The following PDHX variants were observed in gnomAD, a reference collection of about 807,000 sequenced individuals.
PDHX encodes the protein pyruvate dehydrogenase protein X component, mitochondrial.
Under a neutral mutation model 55.3 loss-of-function variants are expected in PDHX, and 33 were observed. The observed-to-expected ratio is 0.60, with a 90% CI of 0.45 to 0.80. The LOEUF (loss-of-function observed/expected upper bound fraction) is 0.80, where lower values mean the gene tolerates loss of function less well. PDHX is among the 30% of genes least tolerant of loss of function. The pLI is 0.00. For synonymous variants in PDHX, 226 were observed against 219.4 expected (o/e 1.03, Z -0.27); for missense variants, 622 against 619.9 (o/e 1.00, Z -0.04).
chr11:34,961,590 G>A (rs897107504), intron 5 of PDHX, among the ~76,000 whole-genome samples: 1 of 152,166 alleles, frequency 6.6e-6, no homozygotes, highest in African/African-American at 2.4e-5. Flanking sequence ...GTTGGGCCAG[G>A]CAATGTTTTC....
At chr11:34,966,478 GAGAC>G (rs1371878152) in intron 5 of PDHX, among the ~76,000 whole-genome samples, 158 bp from the exon 6 acceptor site, 3 of 152,196 alleles carry the variant, frequency 2.0e-5, no homozygotes, top group Non-Finnish European at 2.9e-5. Context: ...GACCAGGTAA[GAGAC>G]AGGATTTAAT....
At chr11:34,970,768 T>G (rs886181497) in intron 7 of PDHX, among the ~76,000 whole-genome samples, 2 of 152,194 alleles carry the variant, frequency 1.3e-5, no homozygotes, top group South Asian at 4.1e-4. Flanking sequence ...TTTGGATTTT[T>G]GGACTAGAGA....
At chr11:34,927,065 G>A (rs1854042605) in intron 1 of PDHX, among the ~76,000 whole-genome samples, 1 of 151,988 alleles carries the variant, frequency 6.6e-6, no homozygotes, top group South Asian at 2.1e-4. Context: ...TTTAAAATCA[G>A]CAAGTTTAAA....
chr11:34,950,779 T>C (rs1391056889), intron 3 of PDHX, among the ~76,000 whole-genome samples: 1 of 151,176 alleles, frequency 6.6e-6, no homozygotes, highest in Non-Finnish European at 1.5e-5. Context: ...CTATCATTGT[T>C]GGACATTTGG....
intron 6 of PDHX, among the ~76,000 whole-genome samples, chr11:34,968,321 G>T (rs1855179754): frequency 6.6e-6 from 1 of 151,206 alleles, no homozygotes; most frequent in South Asian, 2.1e-4. Flanking sequence ...AAATTCTTAT[G>T]GTATGTAGAG....
chr11:34,977,772 C>T (rs1855410904), intron 7 of PDHX: 1 of 460,870 alleles, frequency 2.2e-6, no homozygotes, highest in African/African-American at 2.0e-5. Context: ...TGACTGCACA[C>T]ACCACAGAGA....
At chr11:34,942,287 A>T (rs1213320465) in intron 2 of PDHX, among the ~76,000 whole-genome samples, 1 of 152,268 alleles carries the variant, frequency 6.6e-6, no homozygotes, top group Non-Finnish European at 1.5e-5. Flanking sequence ...GACATGACAG[A>T]ATATGGAATA....
chr11:34,958,522 C>G (rs1008198772), intron 4 of PDHX, among the ~76,000 whole-genome samples: 8 of 152,096 alleles, frequency 5.3e-5, no homozygotes, highest in Admixed American at 3.3e-4. Flanking sequence ...AGGCTGGTCT[C>G]GAACTCCTGA....
At chr11:34,974,680 C>G (rs1855329181) in intron 7 of PDHX, among the ~76,000 whole-genome samples, 1 of 152,102 alleles carries the variant, frequency 6.6e-6, no homozygotes, top group Admixed American at 6.6e-5. Context: ...AATCCTATCA[C>G]TTTGGGAGGC....
chr11:34,952,915 C>A (rs1217073904), intron 3 of PDHX, among the ~76,000 whole-genome samples: 6 of 151,356 alleles, frequency 4.0e-5, no homozygotes, highest in South Asian at 4.2e-4. Flanking sequence ...CTGTTTGCAG[C>A]CGACATGATT....
intron 4 of PDHX, among the ~76,000 whole-genome samples, chr11:34,958,763 G>C (rs1854958574): frequency 1.3e-5 from 2 of 152,046 alleles, no homozygotes; most frequent in Admixed American, 1.3e-4. Flanking sequence ...GATAATAATA[G>C]TATGTACCCT....
chr11:34,939,245 A>G (rs1854413023), intron 2 of PDHX, among the ~76,000 whole-genome samples: 1 of 152,128 alleles, frequency 6.6e-6, no homozygotes, highest in South Asian at 2.1e-4. Context: ...AGATCTTTTT[A>G]AATGTATGGT....
At chr11:34,951,588 G>A (rs1248487991) in intron 3 of PDHX, among the ~76,000 whole-genome samples, 2 of 152,152 alleles carry the variant, frequency 1.3e-5, no homozygotes, top group South Asian at 2.1e-4. Flanking sequence ...TGTAGATTCT[G>A]GATATTAGCC....
intron 3 of PDHX, among the ~76,000 whole-genome samples, chr11:34,948,212 T>C (rs1300229183): frequency 2.0e-5 from 3 of 152,202 alleles, no homozygotes; most frequent in Non-Finnish European, 4.4e-5. Flanking sequence ...ACCCAATTGC[T>C]CAATAAATGT....
chr11:34,968,448 TTG>T (rs1855183604), intron 6 of PDHX, among the ~76,000 whole-genome samples: 2 of 152,214 alleles, frequency 1.3e-5, no homozygotes, highest in Non-Finnish European at 2.9e-5. Flanking sequence ...CTTGAAGTGA[TTG>T]TAATGAAATC....
At chr11:34,942,737 T>C (rs752051286) in intron 2 of PDHX, among the ~76,000 whole-genome samples, 5 of 152,186 alleles carry the variant, frequency 3.3e-5, no homozygotes, top group Non-Finnish European at 7.4e-5. Flanking sequence ...TACGTAATAT[T>C]ACTATGTTTT....
chr11:34,993,930 T>A (rs78701676), intron 10 of PDHX, among the ~76,000 whole-genome samples: 5,451 of 152,304 alleles, frequency 0.036, 121 homozygotes, highest in Middle Eastern at 0.082. Context: ...GTTTTATAAT[T>A]TTCTGTGTAG....
intron 1 of PDHX, among the ~76,000 whole-genome samples, chr11:34,924,579 CATAG>C (rs1304868176): frequency 1.3e-5 from 2 of 152,134 alleles, no homozygotes; most frequent in Non-Finnish European, 2.9e-5. Flanking sequence ...AGGAAACAGA[CATAG>C]ATAGAATAAA....
chr11:34,942,126 T>G (rs900456187), intron 2 of PDHX, among the ~76,000 whole-genome samples: 4 of 152,242 alleles, frequency 2.6e-5, no homozygotes, highest in Non-Finnish European at 5.9e-5. Flanking sequence ...CCTTCTCTTT[T>G]TGTTGTTTTC....
Sources: gnomAD v4.1 joint callset for allele counts (sites outside exome capture counted in the v4.1 genomes callset) on GRCh38, gnomAD v4.1.1 for gene constraint, MANE v1.5 for transcripts, NCBI Gene and HGNC (gene_info 2026-07-23, HGNC 2026-07-21) for gene names.